VDR: variants seen among roughly 807,000 people sequenced by gnomAD.
VDR encodes vitamin D receptor, also known as vitamin D3 receptor.
VDR carries 19 observed loss-of-function variants against 39.7 expected under a neutral mutation model. That is an observed-to-expected ratio of 0.48 (90% CI 0.33 to 0.70). The LOEUF is 0.70. Among genes scored for constraint, VDR ranks in the 30% least tolerant of loss-of-function variants. The pLI, the probability that VDR is intolerant of heterozygous loss-of-function variation, is 0.02. For missense variants in VDR, 442 were observed against 570.5 expected, an observed-to-expected ratio of 0.77 and a Z score of 2.29; for synonymous variants, 242 against 215.8, an observed-to-expected ratio of 1.12 and a Z score of -1.07.
intron 7 of VDR, among the ~76,000 whole-genome samples, chr12:47,848,863 G>A (rs1200365883): frequency 6.6e-6 from 1 of 152,164 alleles, no homozygotes; most frequent in Admixed American, 6.5e-5. Context: ...ACTGCACCCG[G>A]CCACTTGTTT....
At chr12:47,873,961 C>T (rs146757579) in intron 3 of VDR, among the ~76,000 whole-genome samples, 1 of 152,166 alleles carries the variant, frequency 6.6e-6, no homozygotes, top group African/African-American at 2.4e-5. Flanking sequence ...ATAACCCAAG[C>T]ACAGGGAAGA....
intron 1 of VDR, chr12:47,898,304 A>G (rs188021797): frequency 1.6e-4 from 24 of 152,384 alleles, no homozygotes; most frequent in Admixed American, 1.4e-3. Context: ...GCTAATCATT[A>G]TAACTGTAGA....
chr12:47,875,751 A>T (rs1488379357), intron 3 of VDR, among the ~76,000 whole-genome samples: 1 of 152,250 alleles, frequency 6.6e-6, no homozygotes, highest in Non-Finnish European at 1.5e-5. Flanking sequence ...GGTTTCTGCA[A>T]GCCTCTGGTC....
chr12:47,846,510 C>T, intron 8 of VDR, 59 bp from the exon 9 acceptor site: 1 of 1,547,344 alleles, frequency 6.5e-7, no homozygotes, highest in African/African-American at 1.4e-5. Context: ...CACCCACCTC[C>T]AACCCCATGG....
intron 2 of VDR, 68 bp downstream of exon 2, chr12:47,882,626 C>CGGGGGG: frequency 1.8e-6 from 1 of 569,052 alleles, no homozygotes; most frequent in Non-Finnish European, 3.1e-6. Context: ...TTCTTATGCC[C>CGGGGGG]CTCCCCCCCA....
intron 1 of VDR, among the ~76,000 whole-genome samples, chr12:47,895,097 C>T (rs1251200953): frequency 6.6e-6 from 1 of 152,200 alleles, no homozygotes; most frequent in Non-Finnish European, 1.5e-5. Context: ...TTGTTACACT[C>T]TAAAATTACA....
intron 2 of VDR, among the ~76,000 whole-genome samples, chr12:47,880,862 A>T (rs997929335): frequency 7.5e-5 from 11 of 146,946 alleles, no homozygotes; most frequent in African/African-American, 1.7e-4. Context: ...ATACATATTA[A>T]TATATATTAT....
chr12:47,882,989 C>T (rs1279446604), intron 1 of VDR: 1 of 510,496 alleles, frequency 2.0e-6, no homozygotes, highest in East Asian at 3.6e-5. Context: ...GGCCCTCCCT[C>T]GAGGCAGGGA....
At chr12:47,882,043 T>C (rs1369145376) in intron 2 of VDR, among the ~76,000 whole-genome samples, 6 of 152,154 alleles carry the variant, frequency 3.9e-5, no homozygotes, top group African/African-American at 7.2e-5. Context: ...AGTCAACACA[T>C]GTTCAGCATC....
intron 3 of VDR, among the ~76,000 whole-genome samples, chr12:47,876,139 G>C (rs372908687): frequency 6.6e-6 from 1 of 152,106 alleles, no homozygotes; most frequent in Non-Finnish European, 1.5e-5. Context: ...GACCACAAAG[G>C]GGCTGCAAGT....
chr12:47,851,686 A>G (rs1347604458), intron 7 of VDR, among the ~76,000 whole-genome samples: 2 of 152,232 alleles, frequency 1.3e-5, no homozygotes, highest in African/African-American at 2.4e-5. Flanking sequence ...GCTCCAGTCC[A>G]GGCTCAGCAT....
chr12:47,871,191 C>T (rs909755557), intron 3 of VDR, among the ~76,000 whole-genome samples: 3 of 152,102 alleles, frequency 2.0e-5, no homozygotes, highest in East Asian at 1.9e-4. Flanking sequence ...GGTCCATGGG[C>T]GCAATGGTGG....
At chr12:47,861,981 A>C (rs979783718) in intron 4 of VDR, among the ~76,000 whole-genome samples, 1 of 152,246 alleles carries the variant, frequency 6.6e-6, no homozygotes, top group African/African-American at 2.4e-5. Context: ...GACCTGTGGA[A>C]GATATACAGA....
intron 3 of VDR, among the ~76,000 whole-genome samples, chr12:47,873,483 T>A (rs1952094612): frequency 6.9e-6 from 1 of 143,936 alleles, no homozygotes; most frequent in Admixed American, 7.0e-5. Context: ...TGCCTCAGCC[T>A]CCCGAGTAGC....
chr12:47,866,214 TCTC>T (rs951532065), intron 3 of VDR, among the ~76,000 whole-genome samples: 2 of 151,508 alleles, frequency 1.3e-5, no homozygotes, highest in African/African-American at 4.9e-5. Context: ...TTCATGCCGT[TCTC>T]CTGCCTCAGC....
chr12:47,882,768 A>T lies in VDR; in HGVS notation c.-77T>A. The T allele has an allele frequency of 6.5e-7, 1 of 1,534,738 alleles. No homozygotes were observed. Among genetic ancestry groups the T allele is most frequent in the Non-Finnish European group, 8.7e-7 (1 of 1,146,270 alleles). On this transcript the variant is annotated 5_prime_UTR_variant, in exon 2 of 10. In the 5' UTR this introduces an upstream ATG that the reference lacks. Transcript: ENST00000549336. ...AGGTCTCACAGACACTTCAGACCCAAAGGCTTCTGAAATGAAGAAGGGGAA... is the reference window on the plus strand; with the variant it reads ...AGGTCTCACAGACACTTCAGACCCATAGGCTTCTGAAATGAAGAAGGGGAA...
intron 3 of VDR, among the ~76,000 whole-genome samples, chr12:47,865,994 C>T (rs375646663): frequency 1.3e-5 from 2 of 151,872 alleles, no homozygotes; most frequent in East Asian, 1.9e-4. Context: ...GGATTACAGG[C>T]GTGAGCCATC....
chr12:47,864,994 C>A, intron 4 of VDR, 53 bp downstream of exon 4: 1 of 1,608,830 alleles, frequency 6.2e-7, no homozygotes, highest in South Asian at 1.1e-5. Context: ...TGGCCAAGGC[C>A]TTTCCCTGAC....
chr12:47,859,923 T>TTCTCTTTCTTTC (rs1555151337), intron 4 of VDR, among the ~76,000 whole-genome samples: 1 of 50,956 alleles, frequency 2.0e-5, no homozygotes, highest in Non-Finnish European at 3.8e-5. Flanking sequence ...CCTTCTTTCT[T>TTCTCTTTCTTTC]TTTCTTTCTT....
Sources: gnomAD v4.1 joint callset for allele counts (sites outside exome capture counted in the v4.1 genomes callset) on GRCh38, gnomAD v4.1.1 for gene constraint, MANE v1.5 for transcripts, NCBI Gene and HGNC (gene_info 2026-07-23, HGNC 2026-07-21) for gene names.